Variants in MSH4 observed in about 807,000 individuals in gnomAD.
MSH4 encodes mutS protein homolog 4.
In MSH4, 106 loss-of-function variants were observed where a neutral mutation model predicts 113.7. The ratio of observed to expected loss-of-function variants is 0.93; its 90% CI spans 0.80 to 1.10. MSH4 has a LOEUF of 1.10. Ranked by LOEUF, MSH4 falls within the 50% of genes least tolerant of loss-of-function variation. The probability of loss-of-function intolerance (pLI) is 0.00; values close to 1 mark genes in which losing one functional copy is unlikely to be tolerated. For missense variants in MSH4, 1,061 were observed against 1,093.7 expected (o/e 0.97, Z 0.42); for synonymous variants, 368 against 380.2 (o/e 0.97, Z 0.37).
At chr1:75,799,802 A>G (rs1479305080) in intron 1 of MSH4, among the ~76,000 whole-genome samples, 1 of 152,168 alleles carries the variant, frequency 6.6e-6, no homozygotes, top group African/African-American at 2.4e-5. Flanking sequence ...GATAGATGGT[A>G]GTAGTATTTT....
chr1:75,898,153 C>T, intron 18 of MSH4, 72 bp downstream of exon 18: 3 of 1,029,738 alleles, frequency 2.9e-6, no homozygotes, highest in South Asian at 2.8e-5. Flanking sequence ...TTCATCTCTT[C>T]TTTACTTGGC....
intron 9 of MSH4, among the ~76,000 whole-genome samples, chr1:75,874,434 C>T (rs2100566976): frequency 6.6e-6 from 1 of 152,166 alleles, no homozygotes; most frequent in Middle Eastern, 3.4e-3. Context: ...TCAAGTAATC[C>T]TCCAACCTTT....
intron 17 of MSH4, among the ~76,000 whole-genome samples, chr1:75,891,549 GCTCCAGCAATC>G (rs1652254561): frequency 6.6e-6 from 1 of 152,034 alleles, no homozygotes; most frequent in South Asian, 2.1e-4. Context: ...CACCTTTCAG[GCTCCAGCAATC>G]CTCCTGCCGC....
chr1:75,829,453 G>A (rs190502439), intron 7 of MSH4, among the ~76,000 whole-genome samples: 11,536 of 152,220 alleles, frequency 0.076, 711 homozygotes, highest in East Asian at 0.27. Context: ...CTCCCAGCAT[G>A]GAGTTTGAGA....
At position 75,813,327 on chromosome 1, in the gene MSH4, G is replaced by A. The variant is rs545548138; in HGVS notation, c.700-1694G>A. ...GCCTTCCAGAATCACATGGAATGGG[G>A]GATAAGTCCTCCAAAGGCAAAAACA... On this transcript the variant is annotated intron_variant, in intron 4 of 19. Transcript: ENST00000263187. Among the ~76,000 whole-genome samples the A allele has an allele frequency of 2.6e-5, 4 of 152,258 alleles. No homozygotes were observed. In the South Asian group the frequency reaches 8.3e-4, roughly 32 times the overall value.
chr1:75,881,401 G>T (rs1245941225), intron 14 of MSH4, 31 bp downstream of exon 14: 2 of 1,598,074 alleles, frequency 1.3e-6, no homozygotes, highest in Non-Finnish European at 1.7e-6. Context: ...TAAACATATT[G>T]CATAGTTAAA....
At chr1:75,883,530 A>C (rs1005090705) in intron 14 of MSH4, 91 bp from the exon 15 acceptor site, 58 of 1,012,200 alleles carry the variant, frequency 5.7e-5, no homozygotes, top group Middle Eastern at 3.2e-4. Flanking sequence ...CAGTGTGAAA[A>C]TCACTAAGAT....
chr1:75,820,264 T>C (rs1042581253), intron 6 of MSH4, among the ~76,000 whole-genome samples: 12 of 152,230 alleles, frequency 7.9e-5, no homozygotes, highest in African/African-American at 2.2e-4. Flanking sequence ...GGAGATTCTA[T>C]TCATCCTTGT....
At chr1:75,842,395 C>G (rs34045364) in intron 7 of MSH4, among the ~76,000 whole-genome samples, 31,491 of 152,010 alleles carry the variant, frequency 0.21, 3,818 homozygotes, top group African/African-American at 0.3. Flanking sequence ...CTGTGGGCAG[C>G]AAGCCACCCA....
chr1:75,903,404 A>G (rs566453693), intron 19 of MSH4, among the ~76,000 whole-genome samples: 2 of 152,172 alleles, frequency 1.3e-5, no homozygotes, highest in Admixed American at 1.3e-4. Context: ...TATTTATGCC[A>G]GGACTCTGTT....
At chr1:75,900,341 A>T (rs897478220) in intron 19 of MSH4, among the ~76,000 whole-genome samples, 2 of 152,100 alleles carry the variant, frequency 1.3e-5, no homozygotes, top group East Asian at 3.9e-4. Flanking sequence ...TGCTCTTGTC[A>T]TCCAGGCTGG....
intron 2 of MSH4, 68 bp downstream of exon 2, chr1:75,803,981 G>C: frequency 8.9e-7 from 1 of 1,123,058 alleles, no homozygotes; most frequent in South Asian, 2.6e-5. Context: ...TTATAAATTA[G>C]GGTTATTAAG....
At chr1:75,849,441 T>A (rs1391054983) in intron 8 of MSH4, among the ~76,000 whole-genome samples, 1 of 152,174 alleles carries the variant, frequency 6.6e-6, no homozygotes, top group African/African-American at 2.4e-5. Flanking sequence ...TGCACATCAA[T>A]AAAATTTAAT....
intron 17 of MSH4, among the ~76,000 whole-genome samples, chr1:75,897,162 G>A (rs1652403577): frequency 6.6e-6 from 1 of 152,102 alleles, no homozygotes; most frequent in Admixed American, 6.6e-5. Context: ...TGGAAATCTT[G>A]TGCTGGCTGT....
At chr1:75,852,248 G>T (rs1260327009) in intron 8 of MSH4, among the ~76,000 whole-genome samples, 1 of 152,094 alleles carries the variant, frequency 6.6e-6, no homozygotes. Context: ...ATATTCCATT[G>T]TATGGATATA....
intron 9 of MSH4, among the ~76,000 whole-genome samples, chr1:75,873,750 A>T (rs546339856): frequency 1.3e-5 from 2 of 150,896 alleles, no homozygotes; most frequent in South Asian, 2.1e-4. Flanking sequence ...TCTTGTTTTT[A>T]TATATATATA....
intron 6 of MSH4, among the ~76,000 whole-genome samples, chr1:75,820,004 C>T (rs1277412336): frequency 6.6e-6 from 1 of 152,122 alleles, no homozygotes; most frequent in Non-Finnish European, 1.5e-5. Context: ...GCATGCGCCA[C>T]CTTGACTGAC....
intron 1 of MSH4, 133 bp downstream of exon 1, chr1:75,797,362 G>A (rs992360197): frequency 5.6e-6 from 7 of 1,246,262 alleles, no homozygotes; most frequent in Non-Finnish European, 7.6e-6. Context: ...GAGTGCCCTG[G>A]GAATTTGGTG....
intron 2 of MSH4, 113 bp downstream of exon 2, chr1:75,804,026 AAAAT>A (rs1269486668): frequency 4.6e-6 from 3 of 647,702 alleles, no homozygotes; most frequent in South Asian, 5.8e-5. Flanking sequence ...ATATGAATGA[AAAAT>A]AAATACATTA....
Sources: gnomAD v4.1 joint callset for allele counts (sites outside exome capture counted in the v4.1 genomes callset) on GRCh38, gnomAD v4.1.1 for gene constraint, MANE v1.5 for transcripts, NCBI Gene and HGNC (gene_info 2026-07-23, HGNC 2026-07-21) for gene names.